The following LUZP2 variants were observed in gnomAD, a reference collection of about 807,000 sequenced individuals.
LUZP2 encodes leucine zipper protein 2.
In LUZP2, 52 loss-of-function variants were observed where a neutral mutation model predicts 51.6. The ratio of observed to expected loss-of-function variants is 1.01; its 90% CI spans 0.81 to 1.27. The LOEUF is 1.27. LUZP2 is among the 50% of genes most tolerant of loss of function. The pLI is 0.00. For missense variants in LUZP2, 436 were observed against 395.4 expected (o/e 1.10, Z -0.87); for synonymous variants, 154 against 137.3 (o/e 1.12, Z -0.85).
intron 1 of LUZP2, among the ~76,000 whole-genome samples, chr11:24,542,442 C>T (rs540995510): frequency 1.3e-5 from 2 of 151,940 alleles, no homozygotes; most frequent in Non-Finnish European, 2.9e-5. Context: ...AGTATGTCTT[C>T]AGGATTCTTA....
At chr11:24,876,152 T>G (rs1005108220) in intron 5 of LUZP2, among the ~76,000 whole-genome samples, 8 of 150,728 alleles carry the variant, frequency 5.3e-5, no homozygotes, top group Admixed American at 4.6e-4. Flanking sequence ...TTTTGGTGTT[T>G]TAGACATGAA....
chr11:24,687,232 G>T (rs2133881758), intron 1 of LUZP2, among the ~76,000 whole-genome samples: 1 of 93,852 alleles, frequency 1.1e-5, no homozygotes, highest in East Asian at 3.1e-4. Context: ...ATTTTTAAAT[G>T]CCCTTGTGTG....
intron 1 of LUZP2, among the ~76,000 whole-genome samples, chr11:24,711,825 C>T (rs1304311773): frequency 6.6e-6 from 1 of 152,060 alleles, no homozygotes; most frequent in African/African-American, 2.4e-5. Context: ...TTTCCCCTTA[C>T]TAACATAATT....
chr11:24,983,326 A>C, intron 9 of LUZP2, 33 bp downstream of exon 9: 1 of 1,600,684 alleles, frequency 6.2e-7, no homozygotes, highest in Non-Finnish European at 8.5e-7. Flanking sequence ...TTGTAAAGTA[A>C]CAGCAAGTAA....
At chr11:25,019,637 C>G (rs1365791325) in intron 9 of LUZP2, among the ~76,000 whole-genome samples, 1 of 152,092 alleles carries the variant, frequency 6.6e-6, no homozygotes, top group Non-Finnish European at 1.5e-5. Context: ...TTGATCCGTT[C>G]AACTCAATAG....
intron 1 of LUZP2, among the ~76,000 whole-genome samples, chr11:24,536,597 G>A (rs1224554623): frequency 1.3e-5 from 2 of 151,818 alleles, no homozygotes; most frequent in South Asian, 2.1e-4. Context: ...GAGAGTGAGG[G>A]CCTTGCTATG....
intron 1 of LUZP2, among the ~76,000 whole-genome samples, chr11:24,635,858 C>G (rs10767226): frequency 0.13 from 19,788 of 152,022 alleles, 1,502 homozygotes; most frequent in East Asian, 0.3. Flanking sequence ...AATACAAGGC[C>G]TGCGGTGCAG....
intron 5 of LUZP2, among the ~76,000 whole-genome samples, chr11:24,828,973 G>A (rs960874220): frequency 2.6e-5 from 4 of 152,068 alleles, no homozygotes; most frequent in African/African-American, 4.8e-5. Context: ...AAAGAGGGAG[G>A]ACAAGGACGT....
intron 3 of LUZP2, among the ~76,000 whole-genome samples, chr11:24,735,054 A>G (rs1400170071): frequency 6.6e-6 from 1 of 152,012 alleles, no homozygotes; most frequent in Non-Finnish European, 1.5e-5. Flanking sequence ...ACTGTAACGT[A>G]GAGGCAACTA....
chr11:24,566,560 GTA>G (rs1428306081), intron 1 of LUZP2, among the ~76,000 whole-genome samples: 1 of 144,246 alleles, frequency 6.9e-6, no homozygotes, highest in Non-Finnish European at 1.5e-5. Flanking sequence ...ATATGTATGT[GTA>G]TATATATCTA....
intron 5 of LUZP2, among the ~76,000 whole-genome samples, chr11:24,833,712 G>GCACACACA (rs71044309): frequency 9.6e-4 from 141 of 147,232 alleles, no homozygotes; most frequent in African/African-American, 3.2e-3. Context: ...CCGCGCGCGC[G>GCACACACA]CACACACACA....
Position 24,660,389 on chromosome 11 carries a change from GT to G in LUZP2, c.63-68779del, listed in dbSNP as rs1240520966. ...TTATCTGCTACAACTATAATGTGAT[GT>G]GAAAATATCTGTGTTTTTCTATTTG... On this transcript the variant is annotated intron_variant, in intron 1 of 11. Coordinates refer to ENST00000336930, the MANE Select transcript of LUZP2 (RefSeq NM_001009909.4). Among the ~76,000 whole-genome samples the G allele has an allele frequency of 5.0e-4, 76 of 152,290 alleles. 1 individual carries two copies. The highest frequency in any genetic ancestry group is 1.8e-3 in the African/African-American group (73 of 41,574).
At chr11:24,941,759 T>C (rs1854754038) in intron 7 of LUZP2, among the ~76,000 whole-genome samples, 1 of 152,186 alleles carries the variant, frequency 6.6e-6, no homozygotes, top group African/African-American at 2.4e-5. Context: ...AATGTATTTA[T>C]TGTCAGCTAT....
intron 1 of LUZP2, among the ~76,000 whole-genome samples, chr11:24,668,228 T>C (rs927770617): frequency 6.6e-6 from 1 of 152,208 alleles, no homozygotes. Flanking sequence ...TTATCTGGAA[T>C]CTTTGTTTGG....
chr11:24,956,011 C>T (rs1472129443), intron 7 of LUZP2, among the ~76,000 whole-genome samples: 1 of 151,920 alleles, frequency 6.6e-6, no homozygotes, highest in African/African-American at 2.4e-5. Flanking sequence ...GAGATAGTTG[C>T]AGCAATCTAG....
intron 1 of LUZP2, among the ~76,000 whole-genome samples, chr11:24,564,587 G>GC (rs1204906531): frequency 6.6e-6 from 1 of 152,026 alleles, no homozygotes; most frequent in Admixed American, 6.6e-5. Flanking sequence ...ACATTTGTAT[G>GC]CCCCAAGCCA....
chr11:24,685,067 T>C (rs191275442), intron 1 of LUZP2, among the ~76,000 whole-genome samples: 1 of 151,542 alleles, frequency 6.6e-6, no homozygotes, highest in Non-Finnish European at 1.5e-5. Flanking sequence ...GTGTTTTCCA[T>C]ATCTATCCAA....
intron 5 of LUZP2, among the ~76,000 whole-genome samples, chr11:24,826,532 C>G (rs1359808997): frequency 7.5e-6 from 1 of 134,044 alleles, no homozygotes; most frequent in South Asian, 2.3e-4. Flanking sequence ...TTTTTTTTTT[C>G]CTAATTTCAC....
At chr11:24,648,432 G>A (rs866623717) in intron 1 of LUZP2, among the ~76,000 whole-genome samples, 9 of 151,930 alleles carry the variant, frequency 5.9e-5, no homozygotes, top group African/African-American at 1.4e-4. Flanking sequence ...TCAGCTGCTC[G>A]GGTATGTCTA....
Sources: gnomAD v4.1 joint callset for allele counts (sites outside exome capture counted in the v4.1 genomes callset) on GRCh38, gnomAD v4.1.1 for gene constraint, MANE v1.5 for transcripts, NCBI Gene and HGNC (gene_info 2026-07-23, HGNC 2026-07-21) for gene names.